The following MSRA variants were observed in gnomAD, a reference collection of about 807,000 sequenced individuals.
The protein encoded by MSRA is methionine sulfoxide reductase A.
A neutral mutation model predicts 31.3 loss-of-function variants in MSRA; 54 were observed. The ratio of observed to expected loss-of-function variants is 1.73; its 90% CI spans 1.39 to 2.17. The LOEUF (loss-of-function observed/expected upper bound fraction) is 2.17, where lower values mean the gene tolerates loss of function less well. Among genes scored for constraint, MSRA ranks in the 30% most tolerant of loss-of-function variants. The pLI is 0.00. For synonymous variants in MSRA, 169 were observed against 116.5 expected, an observed-to-expected ratio of 1.45 and a Z score of -2.90; for missense variants, 507 against 300.9, an observed-to-expected ratio of 1.69 and a Z score of -5.07.
At chr8:10,149,437 T>C (rs1163983077) in intron 1 of MSRA, among the ~76,000 whole-genome samples, 2 of 152,212 alleles carry the variant, frequency 1.3e-5, no homozygotes, top group Non-Finnish European at 2.9e-5. Flanking sequence ...AAATTCTTTA[T>C]GCAACTTCTG....
In MSRA at chr8:10,416,730, T is replaced by C. The variant is rs144363909; in HGVS notation, c.544-11418T>C. 1.9e-3 allele frequency among the ~76,000 whole-genome samples: 297 copies of C among 152,326 alleles called. 1 individual carries two copies. The highest frequency in any genetic ancestry group is 3.4e-3 in the Middle Eastern group (1 of 294). ...GAGCTGCTTACACTCTAACCTCACA[T>C]GGGATTCGGTACGTCTGGGGAAGGG... On this transcript the variant is annotated intron_variant, in intron 5 of 5. Transcript: ENST00000317173.
intron 1 of MSRA, among the ~76,000 whole-genome samples, chr8:10,071,883 ACAGT>A (rs1797749138): frequency 1.3e-5 from 2 of 152,294 alleles, no homozygotes; most frequent in African/African-American, 4.8e-5. Context: ...AAAACACAAC[ACAGT>A]CAGGTAGTCG....
At chr8:10,202,512 A>G (rs1421222081) in intron 1 of MSRA, among the ~76,000 whole-genome samples, 1 of 152,226 alleles carries the variant, frequency 6.6e-6, no homozygotes, top group Non-Finnish European at 1.5e-5. Context: ...AGCAATGGCA[A>G]AATGATTTCA....
chr8:10,170,852 T>C (rs1012747163), intron 1 of MSRA, among the ~76,000 whole-genome samples: 3 of 152,372 alleles, frequency 2.0e-5, no homozygotes, highest in East Asian at 3.9e-4. Flanking sequence ...GGCTAAGACA[T>C]AGATGATCAT....
chr8:10,338,848 A>G (rs954884091), intron 5 of MSRA, among the ~76,000 whole-genome samples: 4 of 151,944 alleles, frequency 2.6e-5, no homozygotes, highest in African/African-American at 9.7e-5. Context: ...TGCCCTGATC[A>G]CTCTCTTTGG....
chr8:10,197,107 C>A (rs570546199), intron 1 of MSRA, among the ~76,000 whole-genome samples: 62 of 152,226 alleles, frequency 4.1e-4, no homozygotes, highest in African/African-American at 1.4e-3. Flanking sequence ...GATTTTAATC[C>A]TTAAAATAAC....
intron 4 of MSRA, among the ~76,000 whole-genome samples, chr8:10,306,226 A>G (rs1258471577): frequency 1.3e-5 from 2 of 152,008 alleles, no homozygotes; most frequent in African/African-American, 4.8e-5. Flanking sequence ...CTGAACCTCC[A>G]TTTTTCTCAT....
chr8:10,084,464 C>T (rs376591925), intron 1 of MSRA, among the ~76,000 whole-genome samples: 5 of 152,224 alleles, frequency 3.3e-5, no homozygotes, highest in Admixed American at 2.0e-4. Flanking sequence ...CCATGTAAAC[C>T]TTCGTAAATA....
chr8:10,286,607 A>G (rs1358691161), intron 3 of MSRA, among the ~76,000 whole-genome samples: 2 of 152,254 alleles, frequency 1.3e-5, no homozygotes, highest in Non-Finnish European at 2.9e-5. Flanking sequence ...CCAGTTAGAT[A>G]TACTGTCTCC....
At chr8:10,201,418 A>T (rs1400261130) in intron 1 of MSRA, among the ~76,000 whole-genome samples, 1 of 152,092 alleles carries the variant, frequency 6.6e-6, no homozygotes, top group Non-Finnish European at 1.5e-5. Flanking sequence ...GACTCCCAAG[A>T]TGGCAGCTGC....
At chr8:10,243,551 C>T (rs1473386616) in intron 2 of MSRA, among the ~76,000 whole-genome samples, 1 of 151,672 alleles carries the variant, frequency 6.6e-6, no homozygotes, top group Non-Finnish European at 1.5e-5. Flanking sequence ...TAAGCATAAG[C>T]AGATTCTTAT....
chr8:10,257,334 C>T (rs548845956), intron 3 of MSRA, among the ~76,000 whole-genome samples: 4 of 152,294 alleles, frequency 2.6e-5, no homozygotes, highest in African/African-American at 9.6e-5. Flanking sequence ...CCTCAGAGAC[C>T]TTGGGTCTCA....
intron 1 of MSRA, among the ~76,000 whole-genome samples, chr8:10,136,629 A>C (rs1198529815): frequency 6.6e-6 from 1 of 152,258 alleles, no homozygotes; most frequent in East Asian, 1.9e-4. Flanking sequence ...AGTGGGAACG[A>C]GAGCCTTTAC....
chr8:10,223,117 C>G (rs537035696), intron 2 of MSRA, among the ~76,000 whole-genome samples: 59 of 152,308 alleles, frequency 3.9e-4, no homozygotes, highest in African/African-American at 1.3e-3. Context: ...AAAAGTGACA[C>G]TAGCAAAACA....
intron 4 of MSRA, among the ~76,000 whole-genome samples, chr8:10,318,818 C>T (rs1467419537): frequency 1.3e-5 from 2 of 152,150 alleles, no homozygotes; most frequent in Admixed American, 6.5e-5. Context: ...TTGAGGGTAC[C>T]ATGCTCATCC....
At chr8:10,134,261 C>T (rs1378422973) in intron 1 of MSRA, among the ~76,000 whole-genome samples, 1 of 152,190 alleles carries the variant, frequency 6.6e-6, no homozygotes, top group Non-Finnish European at 1.5e-5. Flanking sequence ...ATTCCATGAG[C>T]ACGTTGGTTG....
At chr8:10,225,211 C>T (rs1285675640) in intron 2 of MSRA, among the ~76,000 whole-genome samples, 1 of 152,230 alleles carries the variant, frequency 6.6e-6, no homozygotes, top group Non-Finnish European at 1.5e-5. Flanking sequence ...TCATCCCTTA[C>T]TCTAACCACT....
chr8:10,177,943 C>G (rs1362201773), intron 1 of MSRA, among the ~76,000 whole-genome samples: 1 of 152,200 alleles, frequency 6.6e-6, no homozygotes, highest in Non-Finnish European at 1.5e-5. Context: ...AATAAAGTGA[C>G]TTCACTAGAA....
chr8:10,233,448 G>A (rs1042264583), intron 2 of MSRA, among the ~76,000 whole-genome samples: 24 of 152,338 alleles, frequency 1.6e-4, no homozygotes, highest in African/African-American at 5.5e-4. Context: ...TGTGTGTTTA[G>A]GATGTTCAAA....
Sources: allele counts gnomAD v4.1 joint callset (sites outside exome capture counted in the v4.1 genomes callset), GRCh38; gene constraint gnomAD v4.1.1; transcripts MANE v1.5; gene names NCBI Gene and HGNC (gene_info 2026-07-23, HGNC 2026-07-21).